The following PRKAR1A variants were observed in gnomAD, a reference collection of about 807,000 sequenced individuals.
The protein encoded by PRKAR1A is cAMP-dependent protein kinase type I-alpha regulatory subunit.
A neutral mutation model predicts 52.0 loss-of-function variants in PRKAR1A; 3 were observed. The observed-to-expected ratio is 0.06, with a 90% CI of 0.03 to 0.15. The LOEUF (loss-of-function observed/expected upper bound fraction) is 0.15. Among genes scored for constraint, PRKAR1A ranks in the 10% least tolerant of loss-of-function variants. The pLI, the probability that PRKAR1A is intolerant of heterozygous loss-of-function variation, is 1.00. For missense variants in PRKAR1A, 240 were observed against 477.4 expected, an observed-to-expected ratio of 0.50 and a Z score of 4.63; for synonymous variants, 188 against 168.4, an observed-to-expected ratio of 1.12 and a Z score of -0.90.
chr17:68,499,255 G>A, the PRKAR1A span, among the ~76,000 whole-genome samples: 1 of 152,058 alleles, frequency 6.6e-6, no homozygotes, highest in Admixed American at 6.6e-5. Context: ...GCTCATCTTT[G>A]GGTGTTCTGC....
intron 11 of PRKAR1A, among the ~76,000 whole-genome samples, chr17:68,546,601 C>T (rs945443996): frequency 1.3e-5 from 2 of 152,060 alleles, no homozygotes; most frequent in African/African-American, 4.8e-5. Context: ...GAGGCCGAGG[C>T]GGGCGGATCA....
chr17:68,454,542 T>G, the PRKAR1A span, among the ~76,000 whole-genome samples: 3 of 152,328 alleles, frequency 2.0e-5, no homozygotes, highest in South Asian at 6.2e-4. Context: ...GTAGCTAAAC[T>G]GGTGGGTTAG....
At chr17:68,533,495 CTT>C (rs201900205), downstream of PRKAR1A, 2 of 898,244 alleles carry the variant, frequency 2.2e-6, no homozygotes, top group South Asian at 5.3e-5. Flanking sequence ...CAAGTAGACT[CTT>C]TTTTTTGTTT....
the PRKAR1A span, among the ~76,000 whole-genome samples, chr17:68,468,731 T>C: frequency 2.6e-5 from 4 of 152,220 alleles, no homozygotes. Context: ...AGGGTACAGA[T>C]TGGACCTTTC....
the PRKAR1A span, chr17:68,457,532 GCCCCGTCCCCACCCCGCCCCT>G: frequency 7.7e-5 from 18 of 232,888 alleles, no homozygotes; most frequent in East Asian, 2.6e-4. Flanking sequence ...CCCCTACCCC[GCCCCGTCCCCACCCCGCCCCT>G]ACCCCGCCCC....
At chr17:68,534,085 CTCTT>C (rs899181760), downstream of PRKAR1A, among the ~76,000 whole-genome samples, 31 of 152,306 alleles carry the variant, frequency 2.0e-4, no homozygotes, top group African/African-American at 6.3e-4. Flanking sequence ...TTTCTTAAAT[CTCTT>C]CCTTCCTATG....
chr17:68,546,098 G>C, intron 11 of PRKAR1A, among the ~76,000 whole-genome samples: 1 of 148,710 alleles, frequency 6.7e-6, no homozygotes, highest in South Asian at 2.2e-4. Context: ...GAACCCAGGA[G>C]GCAGAGGTTG....
chr17:68,490,659 G>GCA, the PRKAR1A span, among the ~76,000 whole-genome samples: 1 of 152,024 alleles, frequency 6.6e-6, no homozygotes, highest in African/African-American at 2.4e-5. Flanking sequence ...TGAGGGGCGT[G>GCA]TCCTGTGGTA....
At chr17:68,438,786 A>G in the PRKAR1A span, among the ~76,000 whole-genome samples, 1 of 152,178 alleles carries the variant, frequency 6.6e-6, no homozygotes, top group Non-Finnish European at 1.5e-5. Flanking sequence ...TTTTCAGTAG[A>G]GACAGGGTTT....
chr17:68,450,678 T>C, the PRKAR1A span: 1 of 1,548,992 alleles, frequency 6.5e-7, no homozygotes. Context: ...TCTTTTTGTT[T>C]GGCTCCCGTT....
the PRKAR1A span, among the ~76,000 whole-genome samples, chr17:68,492,354 G>A: frequency 6.6e-6 from 1 of 152,110 alleles, no homozygotes; most frequent in African/African-American, 2.4e-5. Flanking sequence ...TTGTCCAGGA[G>A]GGTCATTAGT....
intron 11 of PRKAR1A, among the ~76,000 whole-genome samples, chr17:68,547,177 G>A (rs2143587922): frequency 6.6e-6 from 1 of 152,242 alleles, no homozygotes; most frequent in East Asian, 1.9e-4. Context: ...AGGATGTTTT[G>A]AATGGTAATT....
At chr17:68,437,554 G>GAA in the PRKAR1A span, among the ~76,000 whole-genome samples, 2 of 133,348 alleles carry the variant, frequency 1.5e-5, no homozygotes, top group Admixed American at 1.5e-4. Context: ...TCTGTCTTAA[G>GAA]AAAAAAAAAA....
At chr17:68,474,967 T>G in the PRKAR1A span, among the ~76,000 whole-genome samples, 3 of 152,208 alleles carry the variant, frequency 2.0e-5, no homozygotes, top group Non-Finnish European at 4.4e-5. Context: ...AAAAATGTAA[T>G]GTCTTTTTAA....
chr17:68,425,615 G>A, the PRKAR1A span, among the ~76,000 whole-genome samples: 6 of 152,256 alleles, frequency 3.9e-5, no homozygotes, highest in Admixed American at 2.0e-4. Context: ...TTCACAGAGT[G>A]CAGCAACTCA....
At chr17:68,434,956 C>T in the PRKAR1A span, among the ~76,000 whole-genome samples, 1 of 152,144 alleles carries the variant, frequency 6.6e-6, no homozygotes, top group Non-Finnish European at 1.5e-5. Flanking sequence ...AATCCTAGCA[C>T]TTTGGGAGGC....
At chr17:68,426,254 G>GGGGGGGGGGGGGT in the PRKAR1A span, 3 of 816,924 alleles carry the variant, frequency 3.7e-6, no homozygotes, top group Non-Finnish European at 3.9e-6. Context: ...GGGAGCGGGG[G>GGGGGGGGGGGGGT]CTCAAATAAA....
downstream of PRKAR1A, among the ~76,000 whole-genome samples, chr17:68,534,083 AT>A (rs1439949366): frequency 6.6e-6 from 1 of 152,140 alleles, no homozygotes; most frequent in Admixed American, 6.5e-5. Flanking sequence ...AATTTCTTAA[AT>A]CTCTTCCTTC....
chr17:68,425,801 C>T, the PRKAR1A span: 2 of 368,836 alleles, frequency 5.4e-6, no homozygotes, highest in Non-Finnish European at 9.8e-6. Flanking sequence ...TAAGGGATCG[C>T]AGGCCTCTGG....
Sources: gnomAD v4.1 joint callset for allele counts (sites outside exome capture counted in the v4.1 genomes callset) on GRCh38, gnomAD v4.1.1 for gene constraint, MANE v1.5 for transcripts, NCBI Gene and HGNC (gene_info 2026-07-23, HGNC 2026-07-21) for gene names.